CRACD: variants seen among roughly 807,000 people sequenced by gnomAD.
CRACD encodes capping protein inhibiting regulator of actin dynamics.
CRACD carries 56 observed loss-of-function variants against 106.8 expected under a neutral mutation model. That is an observed-to-expected ratio of 0.52 (90% confidence interval 0.42 to 0.66). The LOEUF is 0.66. Among genes scored for constraint, CRACD ranks in the 30% least tolerant of loss-of-function variants. CRACD has a pLI of 0.00. For missense variants in CRACD, 1,730 were observed against 1,623.2 expected, an observed-to-expected ratio of 1.07 and a Z score of -1.13; for synonymous variants, 754 against 670.8, an observed-to-expected ratio of 1.12 and a Z score of -1.92.
At chr4:56,143,355 C>T (rs1735271010) in intron 1 of CRACD, among the ~76,000 whole-genome samples, 1 of 151,964 alleles carries the variant, frequency 6.6e-6, no homozygotes, top group African/African-American at 2.4e-5. Context: ...TTCTCCAATA[C>T]TTTTACTGTG....
At chr4:56,171,390 A>G (rs1449836759) in intron 1 of CRACD, among the ~76,000 whole-genome samples, 1 of 152,244 alleles carries the variant, frequency 6.6e-6, no homozygotes, top group Non-Finnish European at 1.5e-5. Context: ...TATCGAAGAA[A>G]CTAAAGGAAC....
At chr4:56,086,163 G>A (rs1469483792) in intron 1 of CRACD, among the ~76,000 whole-genome samples, 1 of 152,180 alleles carries the variant, frequency 6.6e-6, no homozygotes, top group Non-Finnish European at 1.5e-5. Flanking sequence ...AAGCAGGGTT[G>A]TGAGTGCTAA....
chr4:56,093,089 G>T (rs1315805411), intron 1 of CRACD, among the ~76,000 whole-genome samples: 1 of 152,100 alleles, frequency 6.6e-6, no homozygotes, highest in Non-Finnish European at 1.5e-5. Context: ...CATAGTTTCT[G>T]TGCTTGTTTG....
chr4:56,258,070 GA>G (rs549205047), intron 2 of CRACD, among the ~76,000 whole-genome samples: 15 of 110,244 alleles, frequency 1.4e-4, no homozygotes, highest in Non-Finnish European at 1.7e-4. Flanking sequence ...CTCCATCTCA[GA>G]AAAAAAAACA....
intron 1 of CRACD, among the ~76,000 whole-genome samples, chr4:56,153,147 C>A (rs184917859): frequency 3.9e-5 from 6 of 152,160 alleles, no homozygotes; most frequent in Non-Finnish European, 8.8e-5. Context: ...GGCACGGTGG[C>A]ACATGCCTGT....
chr4:56,057,237 C>T (rs550304835), intron 1 of CRACD, among the ~76,000 whole-genome samples: 1 of 152,186 alleles, frequency 6.6e-6, no homozygotes, highest in South Asian at 2.1e-4. Flanking sequence ...TGAATTCTTT[C>T]CATTGCCTGT....
intron 1 of CRACD, among the ~76,000 whole-genome samples, chr4:56,148,432 A>G (rs1428141195): frequency 1.3e-5 from 2 of 152,054 alleles, no homozygotes; most frequent in Non-Finnish European, 2.9e-5. Context: ...CTGGGACTAC[A>G]GGTGTGTATC....
intron 2 of CRACD, among the ~76,000 whole-genome samples, chr4:56,259,273 AG>A (rs1174654582): frequency 6.6e-6 from 1 of 152,012 alleles, no homozygotes; most frequent in Non-Finnish European, 1.5e-5. Context: ...CTAGGTTGTA[AG>A]GGGGCTGTTG....
intron 2 of CRACD, among the ~76,000 whole-genome samples, chr4:56,198,199 G>A (rs1313470705): frequency 6.6e-6 from 1 of 152,048 alleles, no homozygotes; most frequent in Middle Eastern, 3.2e-3. Context: ...AATCAAAAAC[G>A]TACATATAAA....
Position 56,198,292 on chromosome 4 carries a change from A to G in CRACD, c.-189+18862A>G, listed in dbSNP as rs186695521. Among the ~76,000 whole-genome samples the G allele has an allele frequency of 3.7e-4, 57 of 152,300 alleles. 1 individual carries two copies. The East Asian group carries it at 9.5e-3, about 25-fold the overall frequency. On this transcript the variant is annotated intron_variant, in intron 2 of 10. Coordinates refer to ENST00000682029, the MANE Select transcript of CRACD (RefSeq NM_001393381.1). ...GTGCAGCCCATTGACCATGAACTTC[A>G]AAAAGAAGAGAGGAGGTGCACTTTG...
intron 2 of CRACD, among the ~76,000 whole-genome samples, chr4:56,220,992 G>A (rs1047815600): frequency 2.0e-5 from 3 of 152,162 alleles, no homozygotes; most frequent in African/African-American, 7.2e-5. Context: ...AAAGCATTTG[G>A]TGTATTCAGA....
chr4:56,146,204 C>T (rs1029072634), intron 1 of CRACD, among the ~76,000 whole-genome samples: 3 of 152,014 alleles, frequency 2.0e-5, no homozygotes. Context: ...ATTCATTAGA[C>T]TTTGCTTAAC....
At chr4:56,149,586 G>T (rs924832746) in intron 1 of CRACD, among the ~76,000 whole-genome samples, 9 of 152,140 alleles carry the variant, frequency 5.9e-5, no homozygotes, top group African/African-American at 2.2e-4. Flanking sequence ...TAGAGATTTG[G>T]GGGGAGAGCA....
At chr4:56,114,956 G>T (rs560276489) in intron 1 of CRACD, among the ~76,000 whole-genome samples, 1 of 152,116 alleles carries the variant, frequency 6.6e-6, no homozygotes, top group Non-Finnish European at 1.5e-5. Context: ...TGCAGGAAAT[G>T]TATAATAGAG....
chr4:56,309,181 G>A (rs185672780), intron 5 of CRACD: 152 of 360,374 alleles, frequency 4.2e-4, no homozygotes, highest in Middle Eastern at 1.0e-3. Context: ...GGGAGCAAGG[G>A]GAGGGTAGAG....
intron 1 of CRACD, among the ~76,000 whole-genome samples, chr4:56,083,598 T>G (rs189429539): frequency 0.01 from 1,536 of 152,294 alleles, 94 homozygotes; most frequent in Admixed American, 0.092. Context: ...TCACATTTTT[T>G]TATTTGTTAG....
intron 1 of CRACD, among the ~76,000 whole-genome samples, chr4:56,130,705 G>A (rs905066303): frequency 1.3e-5 from 2 of 152,180 alleles, no homozygotes; most frequent in African/African-American, 2.4e-5. Context: ...GCTTAGTAAT[G>A]TCATAGTTGT....
chr4:56,268,286 T>C (rs952113880), intron 2 of CRACD, among the ~76,000 whole-genome samples: 3 of 152,230 alleles, frequency 2.0e-5, no homozygotes, highest in African/African-American at 2.4e-5. Context: ...TTCTAATCAA[T>C]AAATTCTAAC....
intron 1 of CRACD, among the ~76,000 whole-genome samples, chr4:56,173,533 T>C (rs557326025): frequency 6.6e-6 from 1 of 152,330 alleles, no homozygotes; most frequent in South Asian, 2.1e-4. Context: ...TTAAATATGT[T>C]TAGAGCTTCA....
Sources: gnomAD v4.1 joint callset for allele counts (sites outside exome capture counted in the v4.1 genomes callset) on GRCh38, gnomAD v4.1.1 for gene constraint, MANE v1.5 for transcripts, NCBI Gene and HGNC (gene_info 2026-07-23, HGNC 2026-07-21) for gene names.